MCPH1: variants seen among roughly 807,000 people sequenced by gnomAD.
MCPH1 encodes microcephalin 1.
In MCPH1, 104 loss-of-function variants were observed where a neutral mutation model predicts 84.5. The observed-to-expected ratio is 1.23, with a 90% CI of 1.05 to 1.45. The LOEUF is 1.45. MCPH1 is among the 40% of genes most tolerant of loss of function. The pLI is 0.00. For missense variants in MCPH1, 1,498 were observed against 1,005.7 expected (o/e 1.49, Z -6.62); for synonymous variants, 514 against 366.8 (o/e 1.40, Z -4.58).
chr8:6,478,591 A>G (rs1204439879), intron 10 of MCPH1, among the ~76,000 whole-genome samples: 2 of 152,274 alleles, frequency 1.3e-5, no homozygotes, highest in Admixed American at 6.5e-5. Context: ...ATACTTAAGA[A>G]TAAGACCTGG....
chr8:6,460,114 T>C lies in MCPH1; in HGVS notation c.1935+4862T>C, dbSNP rs150588489. On this transcript the variant is annotated intron_variant, in intron 9 of 13. Coordinates refer to ENST00000344683, the MANE Select transcript of MCPH1 (RefSeq NM_024596.5). ...CCTGTCTTTGATCTGTTCTGGAAAC[T>C]TCTCCACTGTGATTTCTTTTGCCTG... 2.6e-5 allele frequency among the ~76,000 whole-genome samples: 4 copies of C among 152,236 alleles called. No individual in the cohort carries two copies. The East Asian group carries it at 7.7e-4, about 29-fold the overall frequency.
chr8:6,421,184 C>G (rs180833541), intron 3 of MCPH1, among the ~76,000 whole-genome samples: 108 of 152,260 alleles, frequency 7.1e-4, no homozygotes, highest in Admixed American at 1.3e-3. Context: ...TGTGCATGCC[C>G]GGGAAATGGC....
chr8:6,636,335 C>CAA lies in MCPH1; in HGVS notation c.2453-6642_2453-6641dup, dbSNP rs56881618. ...AGCCTGTGTGACAGAGAGACTGTCT[C>CAA]AAAAAAAAAAAAAAAAAAGTCACAG... On this transcript the variant is annotated intron_variant, in intron 13 of 13. Coordinates refer to ENST00000344683, the MANE Select transcript of MCPH1 (RefSeq NM_024596.5). Among the ~76,000 whole-genome samples, 397 of 103,036 alleles carry CAA rather than the reference C, an allele frequency of 3.9e-3. 1 individual carries two copies. Among genetic ancestry groups the CAA allele is most frequent in the East Asian group, 0.021 (81 of 3,934 alleles). 67.6% of individuals were successfully genotyped at this position (103,036 alleles called of 152,430 possible).
chr8:6,530,245 C>T (rs925351792), intron 12 of MCPH1, among the ~76,000 whole-genome samples: 8 of 152,054 alleles, frequency 5.3e-5, no homozygotes, highest in Admixed American at 2.0e-4. Context: ...CGGTGGCTCA[C>T]GCCTGTGATC....
intron 12 of MCPH1, among the ~76,000 whole-genome samples, chr8:6,507,382 T>C (rs1340914543): frequency 6.6e-6 from 1 of 152,228 alleles, no homozygotes; most frequent in African/African-American, 2.4e-5. Flanking sequence ...CCAATTTTCC[T>C]GTTATTCTTT....
intron 13 of MCPH1, among the ~76,000 whole-genome samples, chr8:6,632,313 C>A (rs939588323): frequency 6.6e-6 from 1 of 152,074 alleles, no homozygotes; most frequent in African/African-American, 2.4e-5. Context: ...GAAGTGGACA[C>A]TTAAAAATAG....
At chr8:6,578,514 A>G (rs1827294686) in intron 12 of MCPH1, among the ~76,000 whole-genome samples, 1 of 152,214 alleles carries the variant, frequency 6.6e-6, no homozygotes, top group Non-Finnish European at 1.5e-5. Context: ...AAAATACTTG[A>G]TCATTTTCTA....
At chr8:6,444,327 C>G (rs1803937126) in intron 7 of MCPH1, 66 bp from the exon 8 acceptor site, 1 of 1,593,318 alleles carries the variant, frequency 6.3e-7, no homozygotes, top group Non-Finnish European at 8.6e-7. Context: ...TATTGGTCAA[C>G]TGAAAGTTGA....
intron 11 of MCPH1, among the ~76,000 whole-genome samples, chr8:6,487,012 C>G (rs145588953): frequency 6.6e-6 from 1 of 152,326 alleles, no homozygotes; most frequent in East Asian, 1.9e-4. Flanking sequence ...TCAGTCTTCC[C>G]TTTTTCCAGC....
intron 12 of MCPH1, among the ~76,000 whole-genome samples, chr8:6,536,067 A>C (rs999140586): frequency 1.1e-4 from 16 of 152,144 alleles, no homozygotes; most frequent in Non-Finnish European, 2.2e-4. Flanking sequence ...AAAAAAAGAA[A>C]AAAATTAAAA....
At chr8:6,519,229 A>C (rs1210961965) in intron 12 of MCPH1, among the ~76,000 whole-genome samples, 1 of 152,166 alleles carries the variant, frequency 6.6e-6, no homozygotes. Flanking sequence ...TGTCCCTCAG[A>C]CCATGTCACC....
At chr8:6,625,543 TTA>T (rs1218032809) in intron 13 of MCPH1, 4 of 537,630 alleles carry the variant, frequency 7.4e-6, no homozygotes, top group Admixed American at 8.8e-5. Flanking sequence ...TTTAAATAAA[TTA>T]AATTATGAAA....
intron 9 of MCPH1, among the ~76,000 whole-genome samples, chr8:6,474,621 A>G (rs572922611): frequency 6.6e-6 from 1 of 152,330 alleles, no homozygotes; most frequent in Non-Finnish European, 1.5e-5. Flanking sequence ...ATTTTTTCAT[A>G]GTCTTAAACT....
At chr8:6,497,484 A>T (rs1053127669) in intron 11 of MCPH1, among the ~76,000 whole-genome samples, 3 of 152,204 alleles carry the variant, frequency 2.0e-5, no homozygotes, top group Non-Finnish European at 4.4e-5. Context: ...CCTGGGCGAC[A>T]GAGGAAGACT....
intron 9 of MCPH1, among the ~76,000 whole-genome samples, chr8:6,470,180 A>G (rs915321478): frequency 1.3e-5 from 2 of 152,222 alleles, no homozygotes; most frequent in Non-Finnish European, 2.9e-5. Context: ...ATATTAATAT[A>G]TTGCTAATAA....
chr8:6,406,819 AC>A, intron 1 of MCPH1, 130 bp downstream of exon 1: 1 of 868,626 alleles, frequency 1.2e-6, no homozygotes, highest in South Asian at 1.5e-5. Context: ...TCTCCCCCAG[AC>A]CCCCTGCCGC....
intron 12 of MCPH1, among the ~76,000 whole-genome samples, chr8:6,578,340 C>T (rs562609328): frequency 4.6e-5 from 7 of 152,292 alleles, no homozygotes; most frequent in African/African-American, 1.7e-4. Context: ...GAGAAAACAA[C>T]AAAGCTTGAA....
At chr8:6,421,847 C>A (rs539663689) in intron 3 of MCPH1, among the ~76,000 whole-genome samples, 1 of 152,142 alleles carries the variant, frequency 6.6e-6, no homozygotes, top group Non-Finnish European at 1.5e-5. Context: ...TTTGCGTCTT[C>A]CAAATGCTCT....
chr8:6,604,822 A>T (rs1243354473), intron 12 of MCPH1, among the ~76,000 whole-genome samples: 1 of 152,354 alleles, frequency 6.6e-6, no homozygotes, highest in African/African-American at 2.4e-5. Context: ...CTTTTATACT[A>T]TGAACAAAAC....
Sources: allele counts gnomAD v4.1 joint callset (sites outside exome capture counted in the v4.1 genomes callset), GRCh38; gene constraint gnomAD v4.1.1; transcripts MANE v1.5; gene names NCBI Gene and HGNC (gene_info 2026-07-23, HGNC 2026-07-21).